Variants in RYR2 observed in about 807,000 individuals in gnomAD.
RYR2 encodes the protein ryanodine receptor 2.
RYR2 carries 227 observed loss-of-function variants against 601.1 expected under a neutral mutation model. That is an observed-to-expected ratio of 0.38 (90% confidence interval 0.34 to 0.42). The LOEUF (loss-of-function observed/expected upper bound fraction) is 0.42, where lower values mean the gene tolerates loss of function less well. Among genes scored for constraint, RYR2 ranks in the 10% least tolerant of loss-of-function variants. The pLI, the probability that RYR2 is intolerant of heterozygous loss-of-function variation, is 1.00. For missense variants in RYR2, 4,646 were observed against 6,156.5 expected, an observed-to-expected ratio of 0.75 and a Z score of 8.21; for synonymous variants, 2,223 against 2,175.1, an observed-to-expected ratio of 1.02 and a Z score of -0.61.
intron 87 of RYR2, among the ~76,000 whole-genome samples, chr1:237,775,826 A>G (rs1221813184): frequency 1.3e-5 from 2 of 152,192 alleles, no homozygotes; most frequent in African/African-American, 4.8e-5. Context: ...GTCATGAGAA[A>G]AAGAAAGCAA....
chr1:237,576,892 G>A (rs1462168719), intron 29 of RYR2, among the ~76,000 whole-genome samples: 1 of 152,184 alleles, frequency 6.6e-6, no homozygotes, highest in African/African-American at 2.4e-5. Context: ...TCAGGGAAAT[G>A]CAAATTCATA....
chr1:237,148,527 A>AAAAAT (rs1553316812), intron 1 of RYR2, among the ~76,000 whole-genome samples: 3 of 83,916 alleles, frequency 3.6e-5, no homozygotes, highest in African/African-American at 8.6e-5. Context: ...AAAAAAAAAA[A>AAAAAT]ATATATATAT....
intron 22 of RYR2, among the ~76,000 whole-genome samples, chr1:237,505,236 T>A (rs1442652875): frequency 6.6e-6 from 1 of 152,194 alleles, no homozygotes; most frequent in African/African-American, 2.4e-5. Flanking sequence ...ATGTTAGCTG[T>A]TGTTCCTCTT....
chr1:237,195,041 G>A (rs583557), intron 1 of RYR2, among the ~76,000 whole-genome samples: 144,329 of 152,248 alleles, frequency 0.95, 68,703 homozygotes, highest in Non-Finnish European at 0.99. Context: ...AGGTATGTTA[G>A]GATTTTTCCA....
In RYR2 at chr1:237,106,252, G is replaced by T. The variant is rs1043059499; in HGVS notation, c.48+63683G>T. ...GAATAGATGTTCCTGGTAAACAGGG[G>T]TGGGCAGGGAGAACAGCTCCCCTGC... is the stretch of plus-strand genomic sequence containing the variant. On this transcript the variant is annotated intron_variant, in intron 1 of 104. Transcript: ENST00000366574. The surrounding 1 kb of genome is among the most constrained non-coding windows in gnomAD (Gnocchi z 4.4). Among the ~76,000 whole-genome samples, 1 of 152,196 alleles carries T rather than the reference G, an allele frequency of 6.6e-6. No individual in the cohort carries two copies. Among genetic ancestry groups the T allele is most frequent in the Admixed American group, 6.5e-5 (1 of 15,290 alleles).
intron 19 of RYR2, among the ~76,000 whole-genome samples, chr1:237,494,510 C>T (rs765914754): frequency 5.9e-5 from 9 of 152,154 alleles, no homozygotes; most frequent in Admixed American, 1.3e-4. Context: ...CCTCTCCCAG[C>T]CCACTGACTC....
chr1:237,713,407 G>GT (rs1282342365), intron 71 of RYR2, among the ~76,000 whole-genome samples: 1 of 151,914 alleles, frequency 6.6e-6, no homozygotes, highest in African/African-American at 2.4e-5. Flanking sequence ...TGTTTGTTTT[G>GT]TTTTTTTGAG....
intron 74 of RYR2, among the ~76,000 whole-genome samples, chr1:237,724,150 C>T (rs1288522430): frequency 6.8e-6 from 1 of 147,582 alleles, no homozygotes; most frequent in African/African-American, 2.5e-5. Context: ...TATGCCATCT[C>T]AGGAACTTTG....
intron 1 of RYR2, among the ~76,000 whole-genome samples, chr1:237,047,776 C>G (rs1488905535): frequency 2.0e-5 from 3 of 152,118 alleles, no homozygotes; most frequent in African/African-American, 7.2e-5. Context: ...TTTCCAGGTG[C>G]TTTTCATTCC....
intron 28 of RYR2, among the ~76,000 whole-genome samples, chr1:237,567,355 G>A (rs372741085): frequency 2.1e-5 from 3 of 145,914 alleles, no homozygotes; most frequent in South Asian, 2.2e-4. Context: ...GAGATGGAGG[G>A]ATCACTTGGG....
intron 62 of RYR2, among the ~76,000 whole-genome samples, chr1:237,686,591 G>A (rs559971665): frequency 2.0e-5 from 3 of 152,170 alleles, no homozygotes; most frequent in Non-Finnish European, 4.4e-5. Context: ...GACCTGTGAG[G>A]ATCCCACCCA....
intron 1 of RYR2, among the ~76,000 whole-genome samples, chr1:237,107,538 G>GAAAAAAAAAAAAAAAAAA (rs1218167557): frequency 3.5e-5 from 2 of 56,798 alleles, no homozygotes. Context: ...AAAAAAAAAG[G>GAAAAAAAAAAAAAAAAAA]AAACATTGTA....
At chr1:237,238,494 A>C (rs549214476) in intron 1 of RYR2, among the ~76,000 whole-genome samples, 6 of 152,202 alleles carry the variant, frequency 3.9e-5, no homozygotes, top group African/African-American at 1.2e-4. Context: ...GGGCTGTGTC[A>C]TGGGCCTTGG....
chr1:237,655,191 C>T (rs1300360550), intron 52 of RYR2, among the ~76,000 whole-genome samples: 1 of 152,204 alleles, frequency 6.6e-6, no homozygotes, highest in South Asian at 2.1e-4. Context: ...TTTTTAGAAT[C>T]ATTTACAACA....
rs764476121 is a variant in RYR2, at chr1:237,627,961, G to A, written c.6321G>A (p.Thr2107=). 35 of 1,613,796 alleles carry A rather than the reference G, an allele frequency of 2.2e-5. No individual in the cohort carries two copies. Among genetic ancestry groups the A allele is most frequent in the Admixed American group, 3.3e-5 (2 of 60,000 alleles). Residue 2107 remains threonine, a synonymous_variant, in exon 41 of 105, where the codon ACG becomes ACA. Coordinates refer to ENST00000366574, the MANE Select transcript of RYR2 (RefSeq NM_001035.3). ...GLVRALPKTY[T]INGVSVEDTI... ...TTCGGGCCCTGCCAAAGACCTACACGATAAATGGTGTGTCCGTGGAGGACA... is the reference window on the plus strand; with the variant it reads ...TTCGGGCCCTGCCAAAGACCTACACAATAAATGGTGTGTCCGTGGAGGACA...
intron 1 of RYR2, among the ~76,000 whole-genome samples, chr1:237,217,323 A>G (rs964856061): frequency 7.0e-6 from 1 of 142,672 alleles, no homozygotes; most frequent in Non-Finnish European, 1.6e-5. Context: ...TTAGGAATTA[A>G]AACACTTTTT....
intron 1 of RYR2, among the ~76,000 whole-genome samples, chr1:237,257,765 G>C (rs1417570431): frequency 6.6e-6 from 1 of 152,144 alleles, no homozygotes; most frequent in Admixed American, 6.6e-5. Flanking sequence ...AAGGAAGGTA[G>C]GGTGAGAAGG....
At chr1:237,534,880 A>G (rs552321189) in intron 25 of RYR2, among the ~76,000 whole-genome samples, 1 of 152,064 alleles carries the variant, frequency 6.6e-6, no homozygotes, top group South Asian at 2.1e-4. Flanking sequence ...TTTATGGTAT[A>G]CCACATGATA....
At chr1:237,372,306 G>A (rs1406955980) in intron 6 of RYR2, among the ~76,000 whole-genome samples, 3 of 152,054 alleles carry the variant, frequency 2.0e-5, no homozygotes, top group Non-Finnish European at 4.4e-5. Context: ...TGCTGGAAAA[G>A]GTTTTTAATA....
Sources: allele counts gnomAD v4.1 joint callset (sites outside exome capture counted in the v4.1 genomes callset), GRCh38; gene constraint gnomAD v4.1.1; non-coding constraint Gnocchi (gnomAD v3.1); transcripts MANE v1.5; gene names NCBI Gene and HGNC (gene_info 2026-07-23, HGNC 2026-07-21).